Variants in HMG20A observed in about 807,000 individuals in gnomAD.
HMG20A encodes high mobility group 20A, also known as high mobility group protein 20A.
A neutral mutation model predicts 43.9 loss-of-function variants in HMG20A; 17 were observed. That is an observed-to-expected ratio of 0.39 (90% CI 0.27 to 0.58). HMG20A has a LOEUF of 0.58. HMG20A is among the 20% of genes least tolerant of loss of function. HMG20A has a pLI of 0.59. For synonymous variants in HMG20A, 132 were observed against 147.5 expected, an observed-to-expected ratio of 0.89 and a Z score of 0.76; for missense variants, 341 against 438.2, an observed-to-expected ratio of 0.78 and a Z score of 1.98.
intron 1 of HMG20A, among the ~76,000 whole-genome samples, chr15:77,450,220 C>G (rs535996808): frequency 3.9e-4 from 60 of 152,178 alleles, no homozygotes; most frequent in African/African-American, 1.4e-3. Context: ...AGCTCTGCCT[C>G]CAGGGTTCGC....
At chr15:77,506,275 C>G in the HMG20A span, among the ~76,000 whole-genome samples, 3 of 152,050 alleles carry the variant, frequency 2.0e-5, no homozygotes, top group Non-Finnish European at 4.4e-5. Flanking sequence ...CTGGGAAAAG[C>G]TAGAGAAGGT....
intron 9 of HMG20A, among the ~76,000 whole-genome samples, chr15:77,480,625 A>AT (rs2072898434): frequency 1.3e-5 from 2 of 151,158 alleles, no homozygotes; most frequent in Non-Finnish European, 1.5e-5. Context: ...AAAAAAAAAA[A>AT]CAAAATAAAA....
chr15:77,471,731 G>A (rs1009109604), intron 5 of HMG20A, 52 bp from the exon 6 acceptor site: 2 of 1,231,394 alleles, frequency 1.6e-6, no homozygotes, highest in African/African-American at 3.0e-5. Context: ...CTTGGGTTTT[G>A]TTATTGCTTT....
the HMG20A span, among the ~76,000 whole-genome samples, chr15:77,517,993 TGTCATTAGCA>T: frequency 8.7e-5 from 12 of 138,330 alleles, no homozygotes; most frequent in Non-Finnish European, 1.8e-4. Flanking sequence ...ATATAATGCC[TGTCATTAGCA>T]GATGTTAAAA....
chr15:77,502,096 C>T, the HMG20A span, among the ~76,000 whole-genome samples: 4 of 152,012 alleles, frequency 2.6e-5, no homozygotes, highest in Non-Finnish European at 4.4e-5. Context: ...TGAAAAAAAT[C>T]AAAAGAAGAA....
At chr15:77,506,386 T>G in the HMG20A span, among the ~76,000 whole-genome samples, 1 of 152,280 alleles carries the variant, frequency 6.6e-6, no homozygotes, top group East Asian at 1.9e-4. Context: ...TGGTTCACGA[T>G]GAAGCCGCCG....
At chr15:77,448,430 A>G (rs2073699106) in intron 1 of HMG20A, among the ~76,000 whole-genome samples, 1 of 152,086 alleles carries the variant, frequency 6.6e-6, no homozygotes, top group Non-Finnish European at 1.5e-5. Context: ...ACATACATGC[A>G]TAGTTCTTTC....
At chr15:77,495,264 G>T in the HMG20A span, among the ~76,000 whole-genome samples, 1 of 152,196 alleles carries the variant, frequency 6.6e-6, no homozygotes, top group African/African-American at 2.4e-5. Context: ...AGGCAGTAAA[G>T]CCAGCAGGCG....
At position 77,444,649 on chromosome 15, in the gene HMG20A, G is replaced by A. The variant is rs1331386749; in HGVS notation, c.-4-13755G>A. Among the ~76,000 whole-genome samples, 3 of 152,204 alleles carry A rather than the reference G, an allele frequency of 2.0e-5. No homozygotes were observed. In the East Asian group the frequency reaches 5.8e-4, roughly 29 times the overall value. ...ATGGAAGTTGAAGTTTTATCATGTT[G>A]AGTAGGTTATCAAAGGAGAAATGTT... On this transcript the variant is annotated intron_variant, in intron 1 of 9. Transcript: ENST00000336216.
intron 9 of HMG20A, among the ~76,000 whole-genome samples, chr15:77,480,055 G>A (rs1453738789): frequency 2.0e-5 from 3 of 152,142 alleles, no homozygotes; most frequent in Admixed American, 1.3e-4. Flanking sequence ...CAGTTTGGGA[G>A]GTCAAGGCAG....
chr15:77,424,797 C>G (rs1376383706), intron 1 of HMG20A, among the ~76,000 whole-genome samples: 2 of 152,154 alleles, frequency 1.3e-5, no homozygotes, highest in Admixed American at 6.5e-5. Context: ...GAAAAGGAAT[C>G]TTAATCTTGG....
At position 77,475,637 on chromosome 15, in the gene HMG20A, A is replaced by C. The variant is rs539053457; in HGVS notation, c.616-1918A>C. Among the ~76,000 whole-genome samples, 91 of 152,354 alleles carry C rather than the reference A, an allele frequency of 6.0e-4. No homozygotes were observed. The South Asian group carries it at 0.017, about 28-fold the overall frequency. ...AATAAGATAGGATGATAATGTCCTA[A>C]GTCTTTATGCTGTCATCTGTGGACT... is the stretch of plus-strand genomic sequence containing the variant. On this transcript the variant is annotated intron_variant, in intron 6 of 9. Transcript: ENST00000336216.
At chr15:77,507,021 C>T in the HMG20A span, among the ~76,000 whole-genome samples, 1 of 152,216 alleles carries the variant, frequency 6.6e-6, no homozygotes. Context: ...ACAGGGCCCT[C>T]CTTCATGTGG....
chr15:77,518,005 A>C, the HMG20A span, among the ~76,000 whole-genome samples: 1 of 89,048 alleles, frequency 1.1e-5, no homozygotes. Flanking sequence ...TCATTAGCAG[A>C]TGTTAAAAAA....
At chr15:77,509,075 A>G in the HMG20A span, among the ~76,000 whole-genome samples, 4 of 152,068 alleles carry the variant, frequency 2.6e-5, no homozygotes, top group African/African-American at 9.7e-5. Context: ...CTGCTCTTGG[A>G]GATGACCACA....
At chr15:77,459,995 G>A (rs936626754) in intron 2 of HMG20A, among the ~76,000 whole-genome samples, 2 of 152,170 alleles carry the variant, frequency 1.3e-5, no homozygotes, top group Admixed American at 1.3e-4. Context: ...ACATTGGAGG[G>A]TTTCACACAG....
chr15:77,497,362 C>A, the HMG20A span, among the ~76,000 whole-genome samples: 1 of 152,248 alleles, frequency 6.6e-6, no homozygotes, highest in African/African-American at 2.4e-5. Flanking sequence ...CAAGAGGAGG[C>A]CTCCTGCTGA....
At chr15:77,503,454 A>T in the HMG20A span, among the ~76,000 whole-genome samples, 1 of 152,194 alleles carries the variant, frequency 6.6e-6, no homozygotes, top group Non-Finnish European at 1.5e-5. Context: ...CAGGGTGGTG[A>T]AAATTCCCAA....
chr15:77,446,982 A>G (rs1247140158), intron 1 of HMG20A, among the ~76,000 whole-genome samples: 2 of 152,178 alleles, frequency 1.3e-5, no homozygotes, highest in Non-Finnish European at 2.9e-5. Context: ...TAGAGGGAGT[A>G]AGGCTTTACC....
Sources: allele counts gnomAD v4.1 joint callset (sites outside exome capture counted in the v4.1 genomes callset), GRCh38; gene constraint gnomAD v4.1.1; transcripts MANE v1.5; gene names NCBI Gene and HGNC (gene_info 2026-07-23, HGNC 2026-07-21).